The following ZCWPW2 variants were observed in gnomAD, a reference collection of about 807,000 sequenced individuals.
ZCWPW2 encodes the protein zinc finger CW-type and PWWP domain containing 2.
ZCWPW2 carries 45 observed loss-of-function variants against 46.6 expected under a neutral mutation model. The ratio of observed to expected loss-of-function variants is 0.96; its 90% CI spans 0.76 to 1.24. The LOEUF is 1.24. ZCWPW2 is among the 50% of genes most tolerant of loss of function. The pLI is 0.00. For missense variants in ZCWPW2, 429 were observed against 403.9 expected, an observed-to-expected ratio of 1.06 and a Z score of -0.53; for synonymous variants, 152 against 137.1, an observed-to-expected ratio of 1.11 and a Z score of -0.76.
Position 28,526,005 on chromosome 3 carries a change from T to A in ZCWPW2, c.*1317T>A, listed in dbSNP as rs1575241428. ...CTGTCAGGTTCCAGATCCCATGCCATTGATTATCATCTATAATGTCTTGAT... is the reference window on the plus strand; with the variant it reads ...CTGTCAGGTTCCAGATCCCATGCCAATGATTATCATCTATAATGTCTTGAT... On this transcript the variant is annotated 3_prime_UTR_variant, in exon 10 of 10. Transcript: ENST00000383768. 6.6e-6 allele frequency among the ~76,000 whole-genome samples: 1 copy of A among 152,154 alleles called. No individual in the cohort carries two copies. Among genetic ancestry groups the A allele is most frequent in the South Asian group, 2.1e-4 (1 of 4,838 alleles).
At chr3:28,450,191 ATCC>A (rs1298130333) in intron 4 of ZCWPW2, among the ~76,000 whole-genome samples, 1 of 152,170 alleles carries the variant, frequency 6.6e-6, no homozygotes, top group Non-Finnish European at 1.5e-5. Context: ...TGTTGGTTTT[ATCC>A]CTACTAGTGT....
chr3:28,423,587 C>T (rs1407688420), intron 3 of ZCWPW2, among the ~76,000 whole-genome samples: 2 of 151,678 alleles, frequency 1.3e-5, no homozygotes, highest in African/African-American at 2.4e-5. Context: ...AGGATGGTCT[C>T]GATCTCCTAA....
At chr3:28,366,825 G>C (rs1221546218) in intron 1 of ZCWPW2, among the ~76,000 whole-genome samples, 1 of 152,198 alleles carries the variant, frequency 6.6e-6, no homozygotes, top group Non-Finnish European at 1.5e-5. Context: ...TTCAGAGCCT[G>C]TTATTGGTCT....
At chr3:28,350,396 A>C (rs979855812) in intron 1 of ZCWPW2, among the ~76,000 whole-genome samples, 1 of 152,248 alleles carries the variant, frequency 6.6e-6, no homozygotes. Context: ...GAGTAAGTAA[A>C]GATAAAATGT....
intron 5 of ZCWPW2, among the ~76,000 whole-genome samples, chr3:28,481,968 A>G (rs1023510075): frequency 1.3e-5 from 2 of 152,150 alleles, no homozygotes; most frequent in South Asian, 2.1e-4. Flanking sequence ...TCTATTTGTT[A>G]CAATTCATGA....
chr3:28,514,997 T>C (rs762931230), intron 7 of ZCWPW2, among the ~76,000 whole-genome samples: 14 of 152,148 alleles, frequency 9.2e-5, no homozygotes, highest in Non-Finnish European at 1.8e-4. Flanking sequence ...AGTAACCCTA[T>C]CAAATTGTTA....
intron 2 of ZCWPW2, among the ~76,000 whole-genome samples, chr3:28,405,371 T>C (rs1696118334): frequency 6.6e-6 from 1 of 152,176 alleles, no homozygotes. Flanking sequence ...GGTGCTGCTG[T>C]AATAAATTCC....
chr3:28,359,770 C>G (rs1232966280), intron 1 of ZCWPW2, among the ~76,000 whole-genome samples: 1 of 152,042 alleles, frequency 6.6e-6, no homozygotes, highest in Non-Finnish European at 1.5e-5. Flanking sequence ...GAAACATTCC[C>G]TTATGTAAGA....
chr3:28,444,453 G>A (rs1220614581), intron 4 of ZCWPW2, among the ~76,000 whole-genome samples: 2 of 152,124 alleles, frequency 1.3e-5, no homozygotes, highest in Non-Finnish European at 2.9e-5. Flanking sequence ...GGCAGCATGG[G>A]TCAGGGAAGG....
chr3:28,437,854 T>C (rs1015464997), intron 4 of ZCWPW2, among the ~76,000 whole-genome samples: 7 of 152,178 alleles, frequency 4.6e-5, no homozygotes, highest in African/African-American at 1.4e-4. Flanking sequence ...GGGAAGATGG[T>C]AGAGTAGGAA....
At chr3:28,440,955 G>A (rs1697730260) in intron 4 of ZCWPW2, among the ~76,000 whole-genome samples, 1 of 152,162 alleles carries the variant, frequency 6.6e-6, no homozygotes. Flanking sequence ...CGAAGACTCA[G>A]TGTTGGTCTC....
intron 5 of ZCWPW2, 39 bp downstream of exon 5, chr3:28,478,970 A>T: frequency 1.5e-6 from 2 of 1,299,740 alleles, no homozygotes; most frequent in Non-Finnish European, 1.1e-6. Context: ...TGAAATAAGG[A>T]TTTATTCAAA....
At chr3:28,459,259 A>G (rs1214905422) in intron 4 of ZCWPW2, among the ~76,000 whole-genome samples, 1 of 151,964 alleles carries the variant, frequency 6.6e-6, no homozygotes, top group Non-Finnish European at 1.5e-5. Flanking sequence ...AGTCCCAGCT[A>G]CTCAGGAGGC....
At chr3:28,450,855 T>C (rs967129486) in intron 4 of ZCWPW2, among the ~76,000 whole-genome samples, 1 of 152,242 alleles carries the variant, frequency 6.6e-6, no homozygotes, top group African/African-American at 2.4e-5. Context: ...TTGAGCTTTA[T>C]AGCTCCAATA....
chr3:28,479,032 C>G (rs933054329), intron 5 of ZCWPW2, 101 bp downstream of exon 5: 2 of 701,102 alleles, frequency 2.9e-6, no homozygotes, highest in South Asian at 2.2e-5. Context: ...ATCTCTTTCT[C>G]TTCATAGGGA....
At chr3:28,489,324 G>C (rs1699717778) in intron 5 of ZCWPW2, among the ~76,000 whole-genome samples, 1 of 151,898 alleles carries the variant, frequency 6.6e-6, no homozygotes. Flanking sequence ...AGAACAAAGA[G>C]TAAATTTACT....
At chr3:28,518,075 G>A (rs966548097) in intron 8 of ZCWPW2, among the ~76,000 whole-genome samples, 8 of 146,922 alleles carry the variant, frequency 5.4e-5, no homozygotes, top group African/African-American at 2.0e-4. Context: ...GGTGGGGGTT[G>A]TGGTGAGCCA....
At chr3:28,494,576 AG>A (rs1699923747) in intron 6 of ZCWPW2, among the ~76,000 whole-genome samples, 2 of 151,610 alleles carry the variant, frequency 1.3e-5, no homozygotes, top group Non-Finnish European at 2.9e-5. Context: ...AGTTCTGGCC[AG>A]GGCAATCAGG....
At position 28,498,163 on chromosome 3, in the gene ZCWPW2, G is replaced by A. The variant is rs148905402; in HGVS notation, c.657+5990G>A. 2.1e-3 allele frequency among the ~76,000 whole-genome samples: 318 copies of A among 151,876 alleles called. 3 individuals carry two copies. Among genetic ancestry groups the A allele is most frequent in the African/African-American group, 7.4e-3 (305 of 41,400 alleles). On this transcript the variant is annotated intron_variant, in intron 6 of 9. Coordinates refer to ENST00000383768, the MANE Select transcript of ZCWPW2 (RefSeq NM_001040432.4). ...AACAATAGTGTACCCAGCTGATGGT[G>A]TTACCTGTAATAGATTTTGAAAGAT...
Sources: allele counts gnomAD v4.1 joint callset (sites outside exome capture counted in the v4.1 genomes callset), GRCh38; gene constraint gnomAD v4.1.1; transcripts MANE v1.5; gene names NCBI Gene and HGNC (gene_info 2026-07-23, HGNC 2026-07-21).